TTC39C: variants seen among roughly 807,000 people sequenced by gnomAD.
TTC39C encodes tetratricopeptide repeat domain 39C, also known as tetratricopeptide repeat protein 39C.
Under a neutral mutation model 76.3 loss-of-function variants are expected in TTC39C, and 33 were observed. That is an observed-to-expected ratio of 0.43 (90% CI 0.33 to 0.58). The LOEUF (loss-of-function observed/expected upper bound fraction) is 0.58. TTC39C is among the 20% of genes least tolerant of loss of function. The pLI is 0.04. For missense variants in TTC39C, 595 were observed against 701.4 expected (o/e 0.85, Z 1.71); for synonymous variants, 254 against 260.6 (o/e 0.97, Z 0.24).
At chr18:24,017,474 C>T (rs1221652015) in intron 1 of TTC39C, among the ~76,000 whole-genome samples, 3 of 152,214 alleles carry the variant, frequency 2.0e-5, no homozygotes, top group African/African-American at 7.2e-5. Context: ...ACTCAATAAA[C>T]TCTAGCTAGC....
At chr18:24,052,764 C>T (rs1486585484) in intron 1 of TTC39C, among the ~76,000 whole-genome samples, 3 of 152,092 alleles carry the variant, frequency 2.0e-5, no homozygotes, top group Non-Finnish European at 2.9e-5. Flanking sequence ...GTGTCAGCTA[C>T]GTACTATGGG....
intron 6 of TTC39C, among the ~76,000 whole-genome samples, chr18:24,103,316 TG>T (rs1394444021): frequency 2.6e-5 from 4 of 152,356 alleles, no homozygotes; most frequent in Non-Finnish European, 5.9e-5. Context: ...AATTATCAGT[TG>T]GAGATCTGTG....
chr18:24,099,029 GTGTGTGTATA>G (rs1437383808), intron 6 of TTC39C, among the ~76,000 whole-genome samples: 2 of 146,980 alleles, frequency 1.4e-5, no homozygotes, highest in Non-Finnish European at 3.0e-5. Flanking sequence ...GTGTGTGTGT[GTGTGTGTATA>G]TATATATCTA....
intron 1 of TTC39C, among the ~76,000 whole-genome samples, chr18:24,023,200 G>T (rs2083537188): frequency 6.6e-6 from 1 of 152,182 alleles, no homozygotes; most frequent in African/African-American, 2.4e-5. Context: ...CATTCTGATG[G>T]CATGGGTGTG....
At chr18:24,069,623 G>A (rs987432115) in intron 4 of TTC39C, among the ~76,000 whole-genome samples, 6 of 152,106 alleles carry the variant, frequency 3.9e-5, no homozygotes, top group Non-Finnish European at 7.4e-5. Context: ...TAAATTTAAG[G>A]TTTTCAGGAA....
Position 24,132,662 on chromosome 18 carries a change from C to A in TTC39C, c.*88C>A. On this transcript the variant is annotated 3_prime_UTR_variant, in exon 14 of 14. Transcript: ENST00000317571. Reference sequence around the variant, plus strand: ...AGGACAAAGCTCTTGTGAAGATGGGCTTTTCTTCTGAAAACCACCTGTGCC... The same window carrying A: ...AGGACAAAGCTCTTGTGAAGATGGGATTTTCTTCTGAAAACCACCTGTGCC... 3 of 1,151,730 alleles carry A rather than the reference C, an allele frequency of 2.6e-6. No individual in the cohort carries two copies. The highest frequency in any genetic ancestry group is 2.5e-6 in the Non-Finnish European group (2 of 813,338). The allele number at this position is 1,151,730 out of a possible 1,614,324, so 71.3% of individuals were successfully genotyped here.
chr18:24,129,069 C>G (rs1487203893), intron 11 of TTC39C, 86 bp downstream of exon 11: 3 of 1,023,926 alleles, frequency 2.9e-6, no homozygotes, highest in Non-Finnish European at 4.2e-6. Context: ...TGAAAAAGCA[C>G]TGAACGAAAC....
At chr18:24,041,030 G>A (rs2145690682) in intron 1 of TTC39C, among the ~76,000 whole-genome samples, 1 of 152,344 alleles carries the variant, frequency 6.6e-6, no homozygotes, top group East Asian at 1.9e-4. Context: ...AAACGAAGTG[G>A]ATTGAGTTCA....
chr18:24,011,243 A>C (rs2083391684), upstream of TTC39C, among the ~76,000 whole-genome samples: 1 of 152,166 alleles, frequency 6.6e-6, no homozygotes, highest in African/African-American at 2.4e-5. Flanking sequence ...GACTGGCATA[A>C]TCCAATTAGC....
At chr18:24,050,748 T>G (rs1228082884) in intron 1 of TTC39C, among the ~76,000 whole-genome samples, 2 of 151,646 alleles carry the variant, frequency 1.3e-5, no homozygotes, top group Non-Finnish European at 2.9e-5. Context: ...GCGGGTGCCT[T>G]GTAATCCCAG....
chr18:24,031,098 C>T (rs2083663572), intron 1 of TTC39C, among the ~76,000 whole-genome samples: 2 of 151,524 alleles, frequency 1.3e-5, no homozygotes, highest in South Asian at 2.1e-4. Flanking sequence ...AGGCATATGC[C>T]ACCACAACTG....
intron 1 of TTC39C, among the ~76,000 whole-genome samples, chr18:24,054,037 A>G (rs2083985157): frequency 6.6e-6 from 1 of 152,148 alleles, no homozygotes; most frequent in African/African-American, 2.4e-5. Context: ...AATCTTATTT[A>G]TACTGCTTAT....
intron 6 of TTC39C, among the ~76,000 whole-genome samples, chr18:24,103,921 TTCTC>T (rs1387097345): frequency 2.0e-5 from 3 of 149,950 alleles, no homozygotes; most frequent in Non-Finnish European, 4.4e-5. Flanking sequence ...AAATCCCACA[TTCTC>T]TCTCTGTTTT....
chr18:24,043,464 G>A (rs922912961), intron 1 of TTC39C, among the ~76,000 whole-genome samples: 2 of 152,088 alleles, frequency 1.3e-5, no homozygotes, highest in South Asian at 2.1e-4. Context: ...TAGAGCATTC[G>A]GCAACAGAAA....
At chr18:24,045,940 T>A (rs1320889560) in intron 1 of TTC39C, among the ~76,000 whole-genome samples, 2 of 104,454 alleles carry the variant, frequency 1.9e-5, no homozygotes, top group Admixed American at 9.7e-5. Context: ...TTTTTTTTTT[T>A]TTTTTTTTTT....
intron 1 of TTC39C, among the ~76,000 whole-genome samples, chr18:24,017,478 A>G (rs11082889): frequency 0.33 from 50,307 of 152,114 alleles, 9,523 homozygotes; most frequent in East Asian, 0.7. Flanking sequence ...AATAAACTCT[A>G]GCTAGCTTCT....
chr18:24,094,975 T>C (rs1263122823), intron 6 of TTC39C, among the ~76,000 whole-genome samples: 3 of 152,246 alleles, frequency 2.0e-5, no homozygotes, highest in Non-Finnish European at 4.4e-5. Flanking sequence ...TCTCAAGCTA[T>C]GAAAATTCTA....
chr18:24,035,437 A>C (rs1179260211), intron 1 of TTC39C, among the ~76,000 whole-genome samples: 2 of 152,232 alleles, frequency 1.3e-5, no homozygotes, highest in Admixed American at 6.5e-5. Flanking sequence ...GTTTTTCCAC[A>C]TCCTTGCCAA....
intron 7 of TTC39C, among the ~76,000 whole-genome samples, chr18:24,117,486 G>C (rs2084909002): frequency 6.6e-6 from 1 of 152,128 alleles, no homozygotes; most frequent in African/African-American, 2.4e-5. Flanking sequence ...CAGATCACTT[G>C]AGGTCAGGAG....
Sources: allele counts gnomAD v4.1 joint callset (sites outside exome capture counted in the v4.1 genomes callset), GRCh38; gene constraint gnomAD v4.1.1; transcripts MANE v1.5; gene names NCBI Gene and HGNC (gene_info 2026-07-23, HGNC 2026-07-21).